Variants in KIAA0930 observed in about 807,000 individuals in gnomAD.
KIAA0930 encodes uncharacterized protein KIAA0930.
A neutral mutation model predicts 43.9 loss-of-function variants in KIAA0930; 24 were observed. That is an observed-to-expected ratio of 0.55 (90% CI 0.40 to 0.77). The LOEUF (loss-of-function observed/expected upper bound fraction) is 0.77. Among genes scored for constraint, KIAA0930 ranks in the 30% least tolerant of loss-of-function variants. The pLI, the probability that KIAA0930 is intolerant of heterozygous loss-of-function variation, is 0.00. For missense variants in KIAA0930, 461 were observed against 574.2 expected (o/e 0.80, Z 2.02); for synonymous variants, 259 against 216.4 (o/e 1.20, Z -1.73).
chr22:45,219,877 A>G (rs148290452), intron 1 of KIAA0930, among the ~76,000 whole-genome samples: 1,940 of 152,176 alleles, frequency 0.013, 54 homozygotes, highest in South Asian at 0.084. Context: ...GGTGTGAACC[A>G]CTGCGCCCAG....
At chr22:45,234,829 T>C (rs1183895182) in intron 1 of KIAA0930, among the ~76,000 whole-genome samples, 1 of 152,174 alleles carries the variant, frequency 6.6e-6, no homozygotes, top group Non-Finnish European at 1.5e-5. Context: ...TTAGGAACCT[T>C]AAATGAAAAA....
chr22:45,225,555 C>T (rs1027353615), intron 1 of KIAA0930, among the ~76,000 whole-genome samples: 3 of 152,326 alleles, frequency 2.0e-5, no homozygotes, highest in Non-Finnish European at 2.9e-5. Flanking sequence ...TCTGACCAAA[C>T]GCCCTGCATC....
rs1427175630 is a variant in KIAA0930 at position 45,197,911 on chromosome 22, G to A, written c.1053C>T (p.Ser351=). 4 of 1,614,200 alleles carry A rather than the reference G, an allele frequency of 2.5e-6. No homozygotes were observed. Among genetic ancestry groups the A allele is most frequent in the South Asian group, 1.1e-5 (1 of 91,088 alleles). Residue 351 remains serine, a synonymous_variant, in exon 9 of 10, where the codon TCC becomes TCT. Transcript: ENST00000336156. Reference sequence around the variant, plus strand: ...CCAGGGACCGTCCTGTGCCCGACAGGGACCGAGACCGCAGGTTGGTTGCAT... The same window carrying A: ...CCAGGGACCGTCCTGTGCCCGACAGAGACCGAGACCGCAGGTTGGTTGCAT... ...LHNATNLRSR[S]LSGTGRSLVG...
Position 45,212,115 on chromosome 22 carries a change from G to T in KIAA0930, c.65-8C>A. 6.2e-7 allele frequency: 1 copy of T among 1,613,758 alleles called. No individual in the cohort carries two copies. Among genetic ancestry groups the T allele is most frequent in the Non-Finnish European group, 8.5e-7 (1 of 1,179,940 alleles). The stretch of plus-strand genomic sequence containing the variant: ...GGTCATCCTTGAAGCACCCTGCAGA[G>T]GGAGGCCAGACAGGAGTGAGGAAGG... On this transcript the variant is annotated splice_region_variant and splice_polypyrimidine_tract_variant and intron_variant, in intron 1 of 9. Transcript: ENST00000336156.
chr22:45,223,093 A>G (rs754041720), intron 1 of KIAA0930, among the ~76,000 whole-genome samples: 26 of 152,230 alleles, frequency 1.7e-4, no homozygotes, highest in Admixed American at 1.2e-3. Context: ...TACCACCTAC[A>G]TAAGATTCTT....
intron 1 of KIAA0930, 164 bp from the exon 2 acceptor site, chr22:45,212,271 A>G (rs747216009): frequency 8.7e-6 from 14 of 1,613,150 alleles, no homozygotes; most frequent in African/African-American, 2.7e-5. Context: ...CCACCCATGG[A>G]GCATCCAGAG....
chr22:45,203,268 C>T (rs1410576097), intron 6 of KIAA0930, 84 bp from the exon 7 acceptor site: 10 of 1,384,604 alleles, frequency 7.2e-6, no homozygotes, highest in Middle Eastern at 2.2e-4. Context: ...ACAGCCAGGG[C>T]GACCATCCCT....
intron 3 of KIAA0930, 27 bp from the exon 4 acceptor site, chr22:45,205,734 A>T (rs775393749): frequency 3.1e-6 from 5 of 1,613,756 alleles, no homozygotes; most frequent in East Asian, 2.2e-5. Flanking sequence ...GTCAGCGTGC[A>T]GGGAGGGGTC....
At chr22:45,225,210 G>A (rs73434185) in intron 1 of KIAA0930, among the ~76,000 whole-genome samples, 11,042 of 151,996 alleles carry the variant, frequency 0.073, 633 homozygotes, top group African/African-American at 0.16. Context: ...CTCGTGCCTC[G>A]CAGAGCCTCT....
chr22:45,228,861 A>C (rs906266910), intron 1 of KIAA0930, among the ~76,000 whole-genome samples: 31 of 21,470 alleles, frequency 1.4e-3, no homozygotes, highest in Non-Finnish European at 2.0e-3. Context: ...TTCACCCCCC[A>C]ACCACCACTC....
At chr22:45,197,624 G>C (rs935710118) in intron 9 of KIAA0930, among the ~76,000 whole-genome samples, 166 bp downstream of exon 9, 1 of 152,184 alleles carries the variant, frequency 6.6e-6, no homozygotes, top group African/African-American at 2.4e-5. Flanking sequence ...GAAAGCTACG[G>C]CTCCACCCAA....
At chr22:45,199,562 C>T (rs961088688) in intron 8 of KIAA0930, among the ~76,000 whole-genome samples, 4 of 152,224 alleles carry the variant, frequency 2.6e-5, no homozygotes, top group African/African-American at 7.2e-5. Flanking sequence ...CGCTTTCTTC[C>T]TTAAGCAGGC....
intron 2 of KIAA0930, among the ~76,000 whole-genome samples, 155 bp from the exon 3 acceptor site, chr22:45,206,067 G>A (rs1437740343): frequency 1.3e-5 from 2 of 152,232 alleles, no homozygotes; most frequent in African/African-American, 4.8e-5. Flanking sequence ...CCAGGCTAGA[G>A]AGCAGTGGTG....
intron 1 of KIAA0930, chr22:45,213,348 G>A (rs1462107147): frequency 2.3e-6 from 3 of 1,303,576 alleles, no homozygotes; most frequent in Non-Finnish European, 3.0e-6. Context: ...CTGGCTCCTG[G>A]GCTCTAGGGC....
At chr22:45,231,430 G>GAC (rs534423191) in intron 1 of KIAA0930, among the ~76,000 whole-genome samples, 2,516 of 152,226 alleles carry the variant, frequency 0.017, 62 homozygotes, top group East Asian at 0.12. Context: ...GGGGCCTGAA[G>GAC]ATCCGAGGGA....
chr22:45,206,410 G>A (rs1299633918), intron 2 of KIAA0930, among the ~76,000 whole-genome samples: 1 of 152,174 alleles, frequency 6.6e-6, no homozygotes, highest in Admixed American at 6.5e-5. Context: ...TTCTTCATCT[G>A]TACAATGGAC....
intron 7 of KIAA0930, chr22:45,201,102 C>T (rs550904720): frequency 5.0e-5 from 23 of 456,024 alleles, no homozygotes; most frequent in African/African-American, 4.0e-4. Context: ...ACGGCTCCGA[C>T]ATCCACCAAA....
chr22:45,205,032 C>T (rs186880204), intron 5 of KIAA0930, among the ~76,000 whole-genome samples, 185 bp downstream of exon 5: 11 of 152,228 alleles, frequency 7.2e-5, no homozygotes, highest in Admixed American at 2.0e-4. Context: ...GAGGCTGCGC[C>T]GGGGAAATTC....
At chr22:45,201,791 G>T (rs2083591435) in intron 7 of KIAA0930, among the ~76,000 whole-genome samples, 1 of 152,130 alleles carries the variant, frequency 6.6e-6, no homozygotes, top group South Asian at 2.1e-4. Context: ...ACCAACATCT[G>T]ACCACCCGGA....
Sources: allele counts gnomAD v4.1 joint callset (sites outside exome capture counted in the v4.1 genomes callset), GRCh38; gene constraint gnomAD v4.1.1; transcripts MANE v1.5; gene names NCBI Gene and HGNC (gene_info 2026-07-23, HGNC 2026-07-21).